The following ARHGAP15 variants were observed in gnomAD, a reference collection of about 807,000 sequenced individuals.
The protein encoded by ARHGAP15 is Rho GTPase activating protein 15, also known as rho GTPase-activating protein 15.
ARHGAP15 carries 51 observed loss-of-function variants against 63.7 expected under a neutral mutation model. The ratio of observed to expected loss-of-function variants is 0.80; its 90% confidence interval spans 0.64 to 1.01. ARHGAP15 has a LOEUF of 1.01. Ranked by LOEUF, ARHGAP15 falls within the 50% of genes least tolerant of loss-of-function variation. ARHGAP15 has a pLI of 0.00. For missense variants in ARHGAP15, 560 were observed against 564.6 expected (o/e 0.99, Z 0.08); for synonymous variants, 191 against 193.8 (o/e 0.99, Z 0.12).
intron 11 of ARHGAP15, among the ~76,000 whole-genome samples, chr2:143,597,316 C>T (rs996468456): frequency 1.3e-5 from 2 of 151,906 alleles, no homozygotes; most frequent in African/African-American, 4.8e-5. Context: ...ACTAAAATTA[C>T]AATTTAGGAT....
At chr2:143,720,473 A>T (rs914976793) in intron 13 of ARHGAP15, among the ~76,000 whole-genome samples, 1 of 152,166 alleles carries the variant, frequency 6.6e-6, no homozygotes, top group Non-Finnish European at 1.5e-5. Context: ...CCATCAGAAG[A>T]GCCTAATGGC....
intron 10 of ARHGAP15, among the ~76,000 whole-genome samples, chr2:143,523,628 C>T (rs1170192373): frequency 1.3e-5 from 2 of 151,584 alleles, no homozygotes; most frequent in African/African-American, 4.9e-5. Context: ...ATATTTCTAC[C>T]CTAAAGATAT....
intron 6 of ARHGAP15, among the ~76,000 whole-genome samples, chr2:143,408,984 T>C (rs1381430358): frequency 6.6e-6 from 1 of 151,978 alleles, no homozygotes; most frequent in Non-Finnish European, 1.5e-5. Flanking sequence ...TTGAAGGGTG[T>C]ATCTTACATG....
At chr2:143,444,521 G>A (rs1435859308) in intron 8 of ARHGAP15, among the ~76,000 whole-genome samples, 1 of 152,174 alleles carries the variant, frequency 6.6e-6, no homozygotes, top group Admixed American at 6.5e-5. Flanking sequence ...GAATGCAAAT[G>A]ATCACCTCTT....
chr2:143,483,625 T>G (rs958612541), intron 8 of ARHGAP15, among the ~76,000 whole-genome samples: 1 of 152,222 alleles, frequency 6.6e-6, no homozygotes, highest in Non-Finnish European at 1.5e-5. Context: ...TATGGGACTT[T>G]GACTACAGCT....
chr2:143,269,972 A>G (rs1681189806), intron 6 of ARHGAP15, among the ~76,000 whole-genome samples: 1 of 152,054 alleles, frequency 6.6e-6, no homozygotes, highest in Admixed American at 6.6e-5. Context: ...AATCTGTGTT[A>G]CTTTTTTTTG....
chr2:143,304,128 C>T (rs1345307968), intron 6 of ARHGAP15, among the ~76,000 whole-genome samples: 1 of 152,152 alleles, frequency 6.6e-6, no homozygotes, highest in Non-Finnish European at 1.5e-5. Context: ...GATTATAAAT[C>T]ATGCTGCTAT....
At chr2:143,733,256 T>TTCTCA (rs1685618292) in intron 13 of ARHGAP15, among the ~76,000 whole-genome samples, 1 of 152,174 alleles carries the variant, frequency 6.6e-6, no homozygotes, top group Non-Finnish European at 1.5e-5. Flanking sequence ...CTAAGACAAG[T>TTCTCA]TCTCAAGGAC....
intron 11 of ARHGAP15, among the ~76,000 whole-genome samples, chr2:143,615,791 C>T (rs1243737349): frequency 1.3e-5 from 2 of 152,108 alleles, no homozygotes. Flanking sequence ...GAAATTTAAT[C>T]CTATGATTCT....
intron 8 of ARHGAP15, among the ~76,000 whole-genome samples, chr2:143,485,845 A>G (rs1692299894): frequency 6.6e-6 from 1 of 152,240 alleles, no homozygotes; most frequent in African/African-American, 2.4e-5. Flanking sequence ...ATTTTCAGGT[A>G]GCAAGAATTG....
chr2:143,218,292 TTTTTTTTG>T (rs1692843757), intron 4 of ARHGAP15, among the ~76,000 whole-genome samples: 1 of 147,222 alleles, frequency 6.8e-6, no homozygotes, highest in African/African-American at 2.5e-5. Context: ...TTTTTTTTTT[TTTTTTTTG>T]TTGCTGCTGT....
At chr2:143,313,959 T>TC (rs937159291) in intron 6 of ARHGAP15, among the ~76,000 whole-genome samples, 20 of 151,598 alleles carry the variant, frequency 1.3e-4, no homozygotes, top group African/African-American at 4.6e-4. Flanking sequence ...GAGAGGGCTT[T>TC]TTTTTTTTCT....
At chr2:143,543,322 T>A (rs1293682759) in intron 10 of ARHGAP15, among the ~76,000 whole-genome samples, 1 of 152,192 alleles carries the variant, frequency 6.6e-6, no homozygotes, top group Non-Finnish European at 1.5e-5. Flanking sequence ...CCCATTTACC[T>A]ATTGGCCATT....
At chr2:143,677,706 T>C (rs1168785957) in intron 12 of ARHGAP15, among the ~76,000 whole-genome samples, 1 of 152,220 alleles carries the variant, frequency 6.6e-6, no homozygotes, top group East Asian at 1.9e-4. Flanking sequence ...ATTGAATTCA[T>C]TTGTGCCTTC....
chr2:143,232,929 G>A (rs764754946), intron 5 of ARHGAP15, among the ~76,000 whole-genome samples: 2 of 151,936 alleles, frequency 1.3e-5, no homozygotes, highest in African/African-American at 4.8e-5. Flanking sequence ...TAGTTTGGGA[G>A]GATACACTTT....
chr2:143,274,923 G>A (rs1376232644), intron 6 of ARHGAP15, among the ~76,000 whole-genome samples: 2 of 152,022 alleles, frequency 1.3e-5, no homozygotes, highest in Non-Finnish European at 2.9e-5. Context: ...CACTTTGGGA[G>A]GCCGAGGTGG....
At chr2:143,289,275 G>A (rs926810687) in intron 6 of ARHGAP15, among the ~76,000 whole-genome samples, 1 of 152,098 alleles carries the variant, frequency 6.6e-6, no homozygotes, top group Non-Finnish European at 1.5e-5. Context: ...GCTTCCCTGG[G>A]GACCAACTAT....
chr2:143,203,819 T>C (rs1692220958), intron 3 of ARHGAP15, among the ~76,000 whole-genome samples: 1 of 152,092 alleles, frequency 6.6e-6, no homozygotes, highest in South Asian at 2.1e-4. Context: ...GTTGTAGCTT[T>C]AGACCATGTA....
chr2:143,235,982 T>G, intron 5 of ARHGAP15: 1 of 1,544,466 alleles, frequency 6.5e-7, no homozygotes. Flanking sequence ...CACCTGACCA[T>G]GTTCATGGGA....
Sources: gnomAD v4.1 joint callset for allele counts (sites outside exome capture counted in the v4.1 genomes callset) on GRCh38, gnomAD v4.1.1 for gene constraint, MANE v1.5 for transcripts, NCBI Gene and HGNC (gene_info 2026-07-23, HGNC 2026-07-21) for gene names.